NKAIN2: variants seen among roughly 807,000 people sequenced by gnomAD.
NKAIN2 encodes sodium/potassium transporting ATPase interacting 2, also known as sodium/potassium-transporting ATPase subunit beta-1-interacting protein 2.
A neutral mutation model predicts 32.6 loss-of-function variants in NKAIN2; 14 were observed. The ratio of observed to expected loss-of-function variants is 0.43; its 90% CI spans 0.28 to 0.67. NKAIN2 has a LOEUF of 0.67. Among genes scored for constraint, NKAIN2 ranks in the 30% least tolerant of loss-of-function variants. NKAIN2 has a pLI of 0.17. For missense variants in NKAIN2, 198 were observed against 258.3 expected (o/e 0.77, Z 1.60); for synonymous variants, 80 against 87.2 (o/e 0.92, Z 0.46).
intron 1 of NKAIN2, among the ~76,000 whole-genome samples, chr6:124,228,677 T>C (rs1258093526): frequency 6.6e-6 from 1 of 152,162 alleles, no homozygotes; most frequent in African/African-American, 2.4e-5. Context: ...TGAGGTCCTT[T>C]GTAAGCCTCT....
chr6:124,341,883 G>A (rs1003557256), intron 2 of NKAIN2, among the ~76,000 whole-genome samples: 7 of 152,156 alleles, frequency 4.6e-5, no homozygotes, highest in African/African-American at 1.7e-4. Context: ...ACTGCCATTG[G>A]TCCTAAAGGA....
intron 6 of NKAIN2, among the ~76,000 whole-genome samples, chr6:124,820,161 C>A (rs1286604134): frequency 1.3e-5 from 2 of 152,132 alleles, no homozygotes; most frequent in Non-Finnish European, 2.9e-5. Context: ...ATAGCTACAA[C>A]AACAAAACAT....
chr6:124,265,262 A>C (rs959552251), intron 1 of NKAIN2, among the ~76,000 whole-genome samples: 4 of 152,074 alleles, frequency 2.6e-5, no homozygotes, highest in Admixed American at 2.6e-4. Context: ...CATGTTTGCT[A>C]TCCATGTCTA....
intron 1 of NKAIN2, among the ~76,000 whole-genome samples, chr6:124,096,123 T>A (rs1242486085): frequency 6.6e-6 from 1 of 152,216 alleles, no homozygotes; most frequent in Admixed American, 6.5e-5. Flanking sequence ...AGCATCTACT[T>A]GCTGCTCTGT....
intron 3 of NKAIN2, among the ~76,000 whole-genome samples, chr6:124,626,720 G>A (rs2114285851): frequency 6.6e-6 from 1 of 152,218 alleles, no homozygotes; most frequent in African/African-American, 2.4e-5. Flanking sequence ...GGTATATTCA[G>A]GGCCACCACA....
intron 3 of NKAIN2, among the ~76,000 whole-genome samples, chr6:124,445,517 T>G (rs1021203944): frequency 9.9e-5 from 15 of 152,200 alleles, no homozygotes; most frequent in Admixed American, 1.3e-4. Flanking sequence ...AAATAATCAA[T>G]AAGACTTCAC....
intron 1 of NKAIN2, among the ~76,000 whole-genome samples, chr6:123,909,519 C>A (rs147364598): frequency 6.6e-6 from 1 of 152,260 alleles, no homozygotes; most frequent in African/African-American, 2.4e-5. Context: ...ACCTACATTC[C>A]GTCCCTTGAA....
intron 1 of NKAIN2, among the ~76,000 whole-genome samples, chr6:124,181,787 C>T (rs959181214): frequency 3.3e-5 from 5 of 152,094 alleles, no homozygotes; most frequent in Non-Finnish European, 7.4e-5. Flanking sequence ...CTTTACTGTC[C>T]ATATCACTAT....
At chr6:124,122,670 G>A (rs1165674401) in intron 1 of NKAIN2, among the ~76,000 whole-genome samples, 1 of 152,068 alleles carries the variant, frequency 6.6e-6, no homozygotes, top group African/African-American at 2.4e-5. Context: ...TCTGAAAACA[G>A]CAGAAAGACT....
chr6:123,954,876 T>G (rs868436276), intron 1 of NKAIN2, among the ~76,000 whole-genome samples: 35 of 151,326 alleles, frequency 2.3e-4, no homozygotes, highest in African/African-American at 8.5e-4. Context: ...GAAAGGAGAG[T>G]GTGTTAAGAC....
intron 2 of NKAIN2, among the ~76,000 whole-genome samples, chr6:124,350,882 A>G (rs1798695036): frequency 6.6e-6 from 1 of 152,178 alleles, no homozygotes; most frequent in African/African-American, 2.4e-5. Flanking sequence ...CTAGCTATTC[A>G]AGAGACTGAG....
intron 3 of NKAIN2, among the ~76,000 whole-genome samples, chr6:124,463,026 C>A (rs1459295193): frequency 6.6e-6 from 1 of 152,054 alleles, no homozygotes; most frequent in Non-Finnish European, 1.5e-5. Context: ...AATCAGCCAA[C>A]AGAGTGATGA....
intron 1 of NKAIN2, among the ~76,000 whole-genome samples, chr6:124,073,055 C>A (rs1783531419): frequency 6.6e-6 from 1 of 152,148 alleles, no homozygotes; most frequent in African/African-American, 2.4e-5. Flanking sequence ...CTGTTGGAAA[C>A]CCATGGAGGG....
rs117871957 is a variant in NKAIN2, at chr6:124,473,056, T to C, written c.273+117709T>C. 4.2e-4 allele frequency among the ~76,000 whole-genome samples: 64 copies of C among 152,292 alleles called. No homozygotes were observed. The Middle Eastern group carries it at 0.014, about 32-fold the overall frequency. On this transcript the variant is annotated intron_variant, in intron 3 of 6. Transcript: ENST00000368417. ...CTGCAGAAGGATAGAAGCTTTCTGTTAGAGAACCCACAAAGGAAAGCGCCC... is the reference window on the plus strand; with the variant it reads ...CTGCAGAAGGATAGAAGCTTTCTGTCAGAGAACCCACAAAGGAAAGCGCCC...
intron 1 of NKAIN2, among the ~76,000 whole-genome samples, chr6:123,877,117 A>G (rs1202416575): frequency 6.6e-6 from 1 of 152,154 alleles, no homozygotes; most frequent in African/African-American, 2.4e-5. Flanking sequence ...TTTGGTCCAG[A>G]TTTTATTAGA....
intron 1 of NKAIN2, among the ~76,000 whole-genome samples, chr6:124,207,317 T>C (rs1790944196): frequency 6.6e-6 from 1 of 151,480 alleles, no homozygotes; most frequent in Non-Finnish European, 1.5e-5. Flanking sequence ...ATGATAATAA[T>C]AATCGGGAAC....
intron 3 of NKAIN2, among the ~76,000 whole-genome samples, chr6:124,445,315 T>C (rs928327706): frequency 2.0e-5 from 3 of 152,106 alleles, no homozygotes; most frequent in African/African-American, 7.2e-5. Flanking sequence ...GTCCCTATAT[T>C]ACTTTTATCA....
intron 1 of NKAIN2, among the ~76,000 whole-genome samples, chr6:124,189,953 C>G (rs545003440): frequency 1.3e-5 from 2 of 152,268 alleles, no homozygotes; most frequent in South Asian, 4.1e-4. Context: ...GAAATTATTC[C>G]TTTTAGTGAA....
Position 124,283,128 on chromosome 6 carries a change from C to T in NKAIN2, c.178C>T (p.Arg60Cys), listed in dbSNP as rs142309299. ...GLFGTIQYRP[R>C]YITGYAVWLV... ...GTTTGGAACTATTCAATATAGACCTCGTTACATAACAGGAGTAAGTACATT... is the reference window on the plus strand; with the variant it reads ...GTTTGGAACTATTCAATATAGACCTTGTTACATAACAGGAGTAAGTACATT... Residue 60 changes from arginine (R) to cysteine (C), a missense_variant, in exon 2 of 7, where the codon CGT (arginine) becomes TGT (cysteine). Physicochemically the swap from Arg to Cys is radical, Grantham distance 180. Coordinates refer to ENST00000368417, the MANE Select transcript of NKAIN2 (RefSeq NM_001040214.3). The T allele has an allele frequency of 4.4e-6, 7 of 1,605,498 alleles. No homozygotes were observed. The highest frequency in any genetic ancestry group is 3.3e-5 in the South Asian group (3 of 90,796).
Sources: allele counts gnomAD v4.1 joint callset (sites outside exome capture counted in the v4.1 genomes callset), GRCh38; gene constraint gnomAD v4.1.1; transcripts MANE v1.5; gene names NCBI Gene and HGNC (gene_info 2026-07-23, HGNC 2026-07-21).